Variants in PAK5 observed in about 807,000 individuals in gnomAD.
PAK5 encodes the protein serine/threonine-protein kinase PAK 5.
In PAK5, 16 loss-of-function variants were observed where a neutral mutation model predicts 65.9. That is an observed-to-expected ratio of 0.24 (90% CI 0.16 to 0.37). The LOEUF is 0.37. PAK5 is among the 10% of genes least tolerant of loss of function. The pLI, the probability that PAK5 is intolerant of heterozygous loss-of-function variation, is 1.00. For synonymous variants in PAK5, 371 were observed against 354.9 expected (o/e 1.05, Z -0.51); for missense variants, 785 against 903.9 (o/e 0.87, Z 1.69).
chr20:9,682,101 T>A (rs2047657673), intron 2 of PAK5, among the ~76,000 whole-genome samples: 1 of 152,194 alleles, frequency 6.6e-6, no homozygotes, highest in African/African-American at 2.4e-5. Flanking sequence ...CTCATGCCTG[T>A]AATCCCAGCA....
intron 2 of PAK5, among the ~76,000 whole-genome samples, chr20:9,673,290 A>G (rs1046910836): frequency 6.6e-6 from 1 of 152,202 alleles, no homozygotes; most frequent in African/African-American, 2.4e-5. Context: ...GAATTAAAAA[A>G]GAAATGAATC....
At chr20:9,685,654 A>G (rs2047709182) in intron 2 of PAK5, among the ~76,000 whole-genome samples, 2 of 152,232 alleles carry the variant, frequency 1.3e-5, no homozygotes, top group African/African-American at 4.8e-5. Context: ...TAAGTCACCC[A>G]GTTTGTGGTA....
chr20:9,683,948 C>T (rs2047684156), intron 2 of PAK5, among the ~76,000 whole-genome samples: 1 of 152,152 alleles, frequency 6.6e-6, no homozygotes, highest in African/African-American at 2.4e-5. Context: ...CCTGACTGAT[C>T]TTAGCTTTCT....
intron 1 of PAK5, among the ~76,000 whole-genome samples, chr20:9,820,730 G>A (rs1050167177): frequency 6.6e-6 from 1 of 152,150 alleles, no homozygotes; most frequent in Non-Finnish European, 1.5e-5. Context: ...ACCAAGGCAG[G>A]CACAACAAAA....
chr20:9,626,921 CAT>C lies in PAK5; in HGVS notation c.204+17202_204+17203del, dbSNP rs1043988916. ...TCACCCTTTCGTGTATGTGTACGCA[CAT>C]GTGTCTGTGTTAAAATGGTGTAAAA... is the stretch of plus-strand genomic sequence containing the variant. On this transcript the variant is annotated intron_variant, in intron 3 of 9. Transcript: ENST00000353224. 7.0e-4 allele frequency among the ~76,000 whole-genome samples: 106 copies of C among 152,068 alleles called. 1 individual carries two copies. The highest frequency in any genetic ancestry group is 2.5e-3 in the African/African-American group (103 of 41,468).
chr20:9,720,529 A>T (rs1328378759), intron 1 of PAK5, among the ~76,000 whole-genome samples: 1 of 152,204 alleles, frequency 6.6e-6, no homozygotes, highest in Non-Finnish European at 1.5e-5. Flanking sequence ...CCTTTTAAAA[A>T]TAATCCTAGG....
chr20:9,776,252 AC>A (rs1317411850), intron 1 of PAK5, among the ~76,000 whole-genome samples: 1 of 152,194 alleles, frequency 6.6e-6, no homozygotes, highest in East Asian at 1.9e-4. Flanking sequence ...AGAATTTCAT[AC>A]CAGGTCTAGA....
chr20:9,796,078 C>T (rs965620856), intron 1 of PAK5, among the ~76,000 whole-genome samples: 2 of 151,770 alleles, frequency 1.3e-5, no homozygotes, highest in Non-Finnish European at 2.9e-5. Context: ...TTATTCAGTC[C>T]CCCAACAAAT....
At chr20:9,817,085 C>T (rs146078959) in intron 1 of PAK5, among the ~76,000 whole-genome samples, 1,777 of 152,098 alleles carry the variant, frequency 0.012, 34 homozygotes, top group African/African-American at 0.039. Flanking sequence ...AGTTTGAGTC[C>T]AGGCTGGGCA....
chr20:9,668,401 T>C (rs909897226), intron 2 of PAK5, among the ~76,000 whole-genome samples: 5 of 152,216 alleles, frequency 3.3e-5, no homozygotes, highest in African/African-American at 1.2e-4. Context: ...AAATCCTTCA[T>C]GATTAGATGA....
chr20:9,790,412 C>CGAATG (rs2049038156), intron 1 of PAK5, among the ~76,000 whole-genome samples: 1 of 151,948 alleles, frequency 6.6e-6, no homozygotes, highest in Admixed American at 6.6e-5. Flanking sequence ...CATTCCAAGG[C>CGAATG]CCAGGGGAAT....
rs186432016 is a variant in PAK5, at chr20:9,678,573, A to C, written c.-12+32713T>G. On this transcript the variant is annotated intron_variant, in intron 2 of 9. Coordinates refer to ENST00000353224, the MANE Select transcript of PAK5 (RefSeq NM_177990.4). ...CAGAGCGAGACTCCATCTCAACAAA[A>C]GAAACAAACAAAAAGACATACCGAG... 5.3e-5 allele frequency among the ~76,000 whole-genome samples: 8 copies of C among 152,316 alleles called. No homozygotes were observed. In the East Asian group the frequency reaches 1.4e-3, roughly 26 times the overall value.
At chr20:9,637,848 AGG>A (rs897372579) in intron 3 of PAK5, among the ~76,000 whole-genome samples, 1 of 152,258 alleles carries the variant, frequency 6.6e-6, no homozygotes, top group African/African-American at 2.4e-5. Flanking sequence ...TTTTCATTTT[AGG>A]TAGAAGCTAC....
intron 4 of PAK5, among the ~76,000 whole-genome samples, chr20:9,568,512 T>C (rs2045721246): frequency 6.6e-6 from 1 of 152,314 alleles, no homozygotes; most frequent in African/African-American, 2.4e-5. Context: ...CAATGACCTG[T>C]GCCTCCTGAC....
At position 9,764,737 on chromosome 20, in the gene PAK5, T is replaced by C. The variant is rs970781045; in HGVS notation, c.-161-53302A>G. Among the ~76,000 whole-genome samples the C allele has an allele frequency of 2.6e-5, 4 of 152,242 alleles. No individual in the cohort carries two copies. In the East Asian group the frequency reaches 7.7e-4, roughly 29 times the overall value. On this transcript the variant is annotated intron_variant, in intron 1 of 9. Transcript: ENST00000353224. ...AAACAGTTTCTTCTATTTTCTGAGA[T>C]AATGCATTACTGGTGGATAACTTCG...
At chr20:9,639,593 T>A (rs1020606726) in intron 3 of PAK5, among the ~76,000 whole-genome samples, 7 of 152,272 alleles carry the variant, frequency 4.6e-5, no homozygotes, top group African/African-American at 1.7e-4. Context: ...GAACCTGCTC[T>A]ATACTTGAGA....
chr20:9,630,686 C>T lies in PAK5; in HGVS notation c.204+13439G>A, dbSNP rs2123225023. Among the ~76,000 whole-genome samples, 4 of 152,314 alleles carry T rather than the reference C, an allele frequency of 2.6e-5. No homozygotes were observed. The East Asian group carries it at 7.7e-4, about 29-fold the overall frequency. ...TACTCAGGATGCAAACATGTGCTGC[C>T]TTTCATGAAAAGGAAGGGCAGAACC... On this transcript the variant is annotated intron_variant, in intron 3 of 9. Coordinates refer to ENST00000353224, the MANE Select transcript of PAK5 (RefSeq NM_177990.4).
At chr20:9,568,065 T>C (rs1375154151) in intron 4 of PAK5, among the ~76,000 whole-genome samples, 3 of 152,150 alleles carry the variant, frequency 2.0e-5, no homozygotes, top group Non-Finnish European at 4.4e-5. Flanking sequence ...GTGTGTCCAC[T>C]AAGGAAGATG....
chr20:9,746,868 A>C (rs1417681490), intron 1 of PAK5, among the ~76,000 whole-genome samples: 5 of 152,070 alleles, frequency 3.3e-5, no homozygotes, highest in African/African-American at 9.7e-5. Context: ...GACACGAAAA[A>C]CCCTTCAAAA....
Sources: allele counts gnomAD v4.1 joint callset (sites outside exome capture counted in the v4.1 genomes callset), GRCh38; gene constraint gnomAD v4.1.1; transcripts MANE v1.5; gene names NCBI Gene and HGNC (gene_info 2026-07-23, HGNC 2026-07-21).